The following MECOM variants were observed in gnomAD, a reference collection of about 807,000 sequenced individuals.
MECOM encodes histone-lysine N-methyltransferase MECOM.
Under a neutral mutation model 116.3 loss-of-function variants are expected in MECOM, and 13 were observed. The observed-to-expected ratio is 0.11, with a 90% CI of 0.07 to 0.18. The LOEUF is 0.18. MECOM is among the 10% of genes least tolerant of loss of function. The pLI is 1.00. For missense variants in MECOM, 1,299 were observed against 1,509.0 expected, an observed-to-expected ratio of 0.86 and a Z score of 2.31; for synonymous variants, 528 against 535.2, an observed-to-expected ratio of 0.99 and a Z score of 0.19.
At chr3:169,170,611 T>G (rs938516) in intron 2 of MECOM, among the ~76,000 whole-genome samples, 136,856 of 151,836 alleles carry the variant, frequency 0.9, 61,793 homozygotes, top group East Asian at 1. Flanking sequence ...TAGAACTATG[T>G]TTTTTTTCTC....
At chr3:169,470,951 T>C (rs1749126481) in intron 1 of MECOM, among the ~76,000 whole-genome samples, 1 of 152,152 alleles carries the variant, frequency 6.6e-6, no homozygotes, top group Non-Finnish European at 1.5e-5. Flanking sequence ...GCTTGTTTGT[T>C]GTTTTGTTTG....
At chr3:169,450,142 C>A (rs972827325) in intron 1 of MECOM, among the ~76,000 whole-genome samples, 1 of 152,082 alleles carries the variant, frequency 6.6e-6, no homozygotes, top group Non-Finnish European at 1.5e-5. Context: ...TTCTGGTTTG[C>A]ATCTCAATTT....
intron 1 of MECOM, among the ~76,000 whole-genome samples, chr3:169,444,838 C>A (rs1744337508): frequency 6.6e-6 from 1 of 152,114 alleles, no homozygotes; most frequent in African/African-American, 2.4e-5. Context: ...ACAGTAAGAT[C>A]CAGACTGAGG....
chr3:169,504,783 C>A (rs1468314386), intron 1 of MECOM, among the ~76,000 whole-genome samples: 4 of 152,146 alleles, frequency 2.6e-5, no homozygotes, highest in Admixed American at 2.6e-4. Context: ...CCAGGGGGTT[C>A]ATGTTACAAA....
chr3:169,287,718 T>A (rs563501056), intron 2 of MECOM, among the ~76,000 whole-genome samples: 2 of 152,274 alleles, frequency 1.3e-5, no homozygotes, highest in South Asian at 4.1e-4. Flanking sequence ...TCCTTAAAAG[T>A]GAGGCCGTAA....
intron 2 of MECOM, among the ~76,000 whole-genome samples, chr3:169,285,783 T>C (rs1002619952): frequency 3.3e-5 from 5 of 152,210 alleles, no homozygotes; most frequent in South Asian, 2.1e-4. Context: ...TCAAATAGCA[T>C]GTGCTATGGT....
At chr3:169,239,927 T>C (rs965009216) in intron 2 of MECOM, among the ~76,000 whole-genome samples, 1 of 152,174 alleles carries the variant, frequency 6.6e-6, no homozygotes, top group African/African-American at 2.4e-5. Flanking sequence ...GTAGAAGCTT[T>C]TTACTACAAG....
intron 2 of MECOM, among the ~76,000 whole-genome samples, chr3:169,276,424 G>A (rs1353353984): frequency 6.6e-6 from 1 of 151,700 alleles, no homozygotes; most frequent in African/African-American, 2.4e-5. Flanking sequence ...ACGGTGGCGC[G>A]TGCCTGTTTT....
chr3:169,545,636 C>T (rs1471622752), intron 1 of MECOM, among the ~76,000 whole-genome samples: 2 of 152,188 alleles, frequency 1.3e-5, no homozygotes, highest in African/African-American at 4.8e-5. Context: ...TTCAAATTCA[C>T]TTAGCTTTCT....
At chr3:169,477,530 G>A (rs1334026367) in intron 1 of MECOM, among the ~76,000 whole-genome samples, 1 of 152,116 alleles carries the variant, frequency 6.6e-6, no homozygotes, top group East Asian at 1.9e-4. Context: ...CTTTGGCCAA[G>A]AGCACTTCTC....
chr3:169,400,994 C>T (rs1023172914), intron 1 of MECOM, among the ~76,000 whole-genome samples: 2 of 152,186 alleles, frequency 1.3e-5, no homozygotes, highest in Non-Finnish European at 2.9e-5. Context: ...GGAAACCCAA[C>T]ACCACAGTGC....
intron 1 of MECOM, among the ~76,000 whole-genome samples, chr3:169,632,497 AT>A (rs1228892861): frequency 2.6e-5 from 4 of 152,238 alleles, no homozygotes; most frequent in Non-Finnish European, 4.4e-5. Context: ...GAATTAAAAA[AT>A]AATCTAAACT....
chr3:169,517,236 A>T (rs900692145), intron 1 of MECOM, among the ~76,000 whole-genome samples: 1 of 152,194 alleles, frequency 6.6e-6, no homozygotes, highest in South Asian at 2.1e-4. Flanking sequence ...CTACTTCCAG[A>T]TGAGCTTTTT....
At chr3:169,571,187 T>C (rs1404925178) in intron 1 of MECOM, among the ~76,000 whole-genome samples, 1 of 152,180 alleles carries the variant, frequency 6.6e-6, no homozygotes, top group African/African-American at 2.4e-5. Flanking sequence ...AACATTCCTA[T>C]ATACCAATAA....
At chr3:169,111,544 T>G (rs1011067506) in intron 9 of MECOM, among the ~76,000 whole-genome samples, 2 of 152,146 alleles carry the variant, frequency 1.3e-5, no homozygotes, top group African/African-American at 4.8e-5. Context: ...CCGATAAACA[T>G]TAACTGTTTT....
chr3:169,524,975 T>TAA (rs10718770), intron 1 of MECOM, among the ~76,000 whole-genome samples: 7 of 147,172 alleles, frequency 4.8e-5, no homozygotes, highest in East Asian at 4.0e-4. Context: ...CATACTTGTT[T>TAA]AAAAAAAAAA....
intron 1 of MECOM, among the ~76,000 whole-genome samples, chr3:169,620,447 C>T (rs946921854): frequency 2.6e-5 from 4 of 152,202 alleles, no homozygotes; most frequent in African/African-American, 7.2e-5. Context: ...AATCACTCTG[C>T]TCTTTCATTT....
At chr3:169,085,554 A>T (rs1051123080) in intron 16 of MECOM, among the ~76,000 whole-genome samples, 1 of 152,174 alleles carries the variant, frequency 6.6e-6, no homozygotes, top group Non-Finnish European at 1.5e-5. Flanking sequence ...TAGTGGGAGA[A>T]GCATAACTAA....
intron 2 of MECOM, among the ~76,000 whole-genome samples, chr3:169,378,381 G>A (rs1427806773): frequency 2.3e-5 from 3 of 132,436 alleles, no homozygotes; most frequent in Admixed American, 7.9e-5. Flanking sequence ...AGCAAGGAAG[G>A]AAGACAAGAA....
Sources: gnomAD v4.1 joint callset for allele counts (sites outside exome capture counted in the v4.1 genomes callset) on GRCh38, gnomAD v4.1.1 for gene constraint, MANE v1.5 for transcripts, NCBI Gene and HGNC (gene_info 2026-07-23, HGNC 2026-07-21) for gene names.